Variants in FHIT observed in about 807,000 individuals in gnomAD.
FHIT encodes bis(5'-adenosyl)-triphosphatase.
In FHIT, 19 loss-of-function variants were observed where a neutral mutation model predicts 17.9. The ratio of observed to expected loss-of-function variants is 1.06; its 90% CI spans 0.74 to 1.56. FHIT has a LOEUF of 1.56. Among genes scored for constraint, FHIT ranks in the 40% most tolerant of loss-of-function variants. The pLI is 0.00. For synonymous variants in FHIT, 81 were observed against 69.7 expected, an observed-to-expected ratio of 1.16 and a Z score of -0.81; for missense variants, 248 against 189.2, an observed-to-expected ratio of 1.31 and a Z score of -1.82.
At chr3:59,774,825 C>G (rs79360103) in intron 8 of FHIT, among the ~76,000 whole-genome samples, 6,649 of 152,230 alleles carry the variant, frequency 0.044, 204 homozygotes, top group Middle Eastern at 0.12. Flanking sequence ...TAAGGCTCCA[C>G]GGCCAGAAAG....
chr3:60,548,878 T>C (rs1188761286), intron 4 of FHIT, among the ~76,000 whole-genome samples: 1 of 152,230 alleles, frequency 6.6e-6, no homozygotes, highest in Non-Finnish European at 1.5e-5. Flanking sequence ...CAACAATCTC[T>C]GCAACAATGT....
chr3:61,066,685 T>C (rs902447797), intron 2 of FHIT, among the ~76,000 whole-genome samples: 1 of 152,108 alleles, frequency 6.6e-6, no homozygotes, highest in Admixed American at 6.6e-5. Context: ...TGCACCCCAG[T>C]TGGCAGCAAG....
At chr3:60,439,065 T>C (rs953276164) in intron 5 of FHIT, among the ~76,000 whole-genome samples, 2 of 152,126 alleles carry the variant, frequency 1.3e-5, no homozygotes, top group South Asian at 2.1e-4. Flanking sequence ...TTATATTAGA[T>C]GGAGAAATCT....
chr3:60,101,243 TTA>T (rs1338043532), intron 5 of FHIT, among the ~76,000 whole-genome samples: 7 of 152,224 alleles, frequency 4.6e-5, no homozygotes, highest in Non-Finnish European at 1.0e-4. Context: ...ACCAAGCACA[TTA>T]CCTGGCCTGC....
intron 7 of FHIT, among the ~76,000 whole-genome samples, chr3:59,981,069 A>G (rs1708633176): frequency 6.6e-6 from 1 of 152,166 alleles, no homozygotes; most frequent in Non-Finnish European, 1.5e-5. Context: ...AACAACAACC[A>G]CAAAAAACCC....
intron 5 of FHIT, among the ~76,000 whole-genome samples, chr3:60,162,678 G>C (rs184624017): frequency 3.3e-5 from 5 of 152,040 alleles, no homozygotes; most frequent in Non-Finnish European, 5.9e-5. Context: ...TGAGAAACTC[G>C]CTAGCAATCA....
intron 5 of FHIT, among the ~76,000 whole-genome samples, chr3:60,408,989 A>T (rs1175251701): frequency 6.6e-6 from 1 of 152,178 alleles, no homozygotes; most frequent in Non-Finnish European, 1.5e-5. Context: ...GTCTGGAGTC[A>T]GACTCGGGGG....
intron 4 of FHIT, among the ~76,000 whole-genome samples, chr3:60,805,680 C>T (rs1034379471): frequency 1.1e-4 from 17 of 151,980 alleles, no homozygotes; most frequent in Non-Finnish European, 2.5e-4. Flanking sequence ...CTTAGCCTCC[C>T]GAGGAGCTGG....
At chr3:59,778,493 T>C (rs978487342) in intron 8 of FHIT, among the ~76,000 whole-genome samples, 2 of 152,338 alleles carry the variant, frequency 1.3e-5, no homozygotes, top group African/African-American at 4.8e-5. Flanking sequence ...GCAAATGTTT[T>C]ACTGTAAAGG....
At chr3:60,604,739 G>T (rs1485523105) in intron 4 of FHIT, among the ~76,000 whole-genome samples, 1 of 152,142 alleles carries the variant, frequency 6.6e-6, no homozygotes, top group African/African-American at 2.4e-5. Flanking sequence ...GGAAGAAAAA[G>T]ATCTCTGCTC....
intron 7 of FHIT, among the ~76,000 whole-genome samples, chr3:59,964,190 G>T (rs978229062): frequency 1.3e-5 from 2 of 152,186 alleles, no homozygotes; most frequent in African/African-American, 4.8e-5. Context: ...ATATTATTCA[G>T]GGTAAAGGCT....
chr3:60,623,562 C>A (rs74366659), intron 4 of FHIT, among the ~76,000 whole-genome samples: 2 of 152,162 alleles, frequency 1.3e-5, no homozygotes, highest in Non-Finnish European at 2.9e-5. Context: ...TATCACTCAA[C>A]TCGCACATAC....
At chr3:60,871,522 T>C (rs1162379470) in intron 3 of FHIT, among the ~76,000 whole-genome samples, 2 of 152,180 alleles carry the variant, frequency 1.3e-5, no homozygotes, top group Non-Finnish European at 2.9e-5. Context: ...AGGTATATAA[T>C]GATACTTTCC....
intron 4 of FHIT, among the ~76,000 whole-genome samples, chr3:60,594,088 T>A (rs369707693): frequency 6.6e-6 from 1 of 152,168 alleles, no homozygotes; most frequent in South Asian, 2.1e-4. Flanking sequence ...TTACTTTTAA[T>A]GTTTCCAGAA....
chr3:60,491,683 T>C (rs1379082771), intron 5 of FHIT, among the ~76,000 whole-genome samples: 1 of 152,230 alleles, frequency 6.6e-6, no homozygotes, highest in Non-Finnish European at 1.5e-5. Flanking sequence ...TTCTGTATGA[T>C]ATTTTAATCA....
At chr3:60,411,139 T>C (rs1185520001) in intron 5 of FHIT, among the ~76,000 whole-genome samples, 1 of 152,120 alleles carries the variant, frequency 6.6e-6, no homozygotes, top group African/African-American at 2.4e-5. Context: ...CATAGAACGA[T>C]CTAAGATTCA....
intron 5 of FHIT, among the ~76,000 whole-genome samples, chr3:60,040,783 T>A (rs1156911558): frequency 6.6e-6 from 1 of 152,006 alleles, no homozygotes; most frequent in Non-Finnish European, 1.5e-5. Context: ...GGCACCAACA[T>A]GTAGGGGAGA....
chr3:60,304,311 A>G (rs1708576760), intron 5 of FHIT, among the ~76,000 whole-genome samples: 2 of 152,114 alleles, frequency 1.3e-5, no homozygotes, highest in South Asian at 2.1e-4. Context: ...CATCAGAAAG[A>G]TTCCTTTACT....
intron 3 of FHIT, among the ~76,000 whole-genome samples, chr3:60,822,359 T>C (rs1397815814): frequency 6.6e-6 from 1 of 152,162 alleles, no homozygotes; most frequent in Non-Finnish European, 1.5e-5. Context: ...CTTTCCATTT[T>C]GCAAAAAGAT....
Sources: gnomAD v4.1 joint callset for allele counts (sites outside exome capture counted in the v4.1 genomes callset) on GRCh38, gnomAD v4.1.1 for gene constraint, MANE v1.5 for transcripts, NCBI Gene and HGNC (gene_info 2026-07-23, HGNC 2026-07-21) for gene names.